FAIM: variants seen among roughly 807,000 people sequenced by gnomAD.
FAIM encodes the protein Fas apoptotic inhibitory molecule.
FAIM carries 14 observed loss-of-function variants against 21.2 expected under a neutral mutation model. That is an observed-to-expected ratio of 0.66 (90% confidence interval 0.44 to 1.03). The LOEUF (loss-of-function observed/expected upper bound fraction) is 1.03, where lower values mean the gene tolerates loss of function less well. Ranked by LOEUF, FAIM falls within the 50% of genes least tolerant of loss-of-function variation. FAIM has a pLI of 0.00. For missense variants in FAIM, 222 were observed against 247.1 expected (o/e 0.90, Z 0.68); for synonymous variants, 86 against 80.4 (o/e 1.07, Z -0.37).
chr3:138,615,882 G>T (rs1267488656), intron 1 of FAIM, among the ~76,000 whole-genome samples: 2 of 152,228 alleles, frequency 1.3e-5, no homozygotes, highest in African/African-American at 4.8e-5. Context: ...TAGTGAAACT[G>T]CTGGGATAGG....
Position 138,617,853 on chromosome 3 carries a change from C to T in FAIM, c.-16-1858C>T, listed in dbSNP as rs140747189. The stretch of plus-strand genomic sequence containing the variant: ...TAGTATATATCTATATATTATCTAT[C>T]TATATTATCTAATTAGATATCTAAT... On this transcript the variant is annotated intron_variant, in intron 1 of 5. Transcript: ENST00000360570. Among the ~76,000 whole-genome samples, 1,113 of 145,050 alleles carry T rather than the reference C, an allele frequency of 7.7e-3. 13 individuals are homozygous for T. The highest frequency in any genetic ancestry group is 9.1e-3 in the Non-Finnish European group (609 of 66,674).
Position 138,625,647 on chromosome 3 carries a change from C to A in FAIM, c.406+3231C>A, listed in dbSNP as rs141598873. ...TTATATTGAGAAATTAGAGCAAGGC[C>A]ACAAAAAAGCTTTGAATAACAAAAC... On this transcript the variant is annotated intron_variant, in intron 4 of 5. Transcript: ENST00000360570. 7.1e-3 allele frequency among the ~76,000 whole-genome samples: 1,077 copies of A among 152,018 alleles called. 8 individuals are homozygous for A. The highest frequency in any genetic ancestry group is 0.024 in the Middle Eastern group (7 of 294).
chr3:138,618,711 G>A lies in FAIM; in HGVS notation c.-16-1000G>A, dbSNP rs190933326. On this transcript the variant is annotated intron_variant, in intron 1 of 5. Transcript: ENST00000360570. ...TTTTAATAATTTGTGACTTCTGGCT[G>A]TTTCCAGACAGAAAGGGTTAGCAGT... Among the ~76,000 whole-genome samples the A allele has an allele frequency of 1.1e-4, 16 of 152,262 alleles. No homozygotes were observed. In the East Asian group the frequency reaches 1.5e-3, roughly 15 times the overall value.
intron 4 of FAIM, among the ~76,000 whole-genome samples, chr3:138,624,033 A>AT (rs1385504230): frequency 6.6e-6 from 1 of 151,900 alleles, no homozygotes; most frequent in Non-Finnish European, 1.5e-5. Flanking sequence ...TCTGAATCTC[A>AT]TTTTTTTCTT....
At chr3:138,619,817 T>G (rs1160923351) in intron 2 of FAIM, 47 bp downstream of exon 2, 1 of 1,514,252 alleles carries the variant, frequency 6.6e-7, no homozygotes, top group Non-Finnish European at 9.1e-7. Flanking sequence ...ATTTTCAAGA[T>G]TGTTATCATT....
At chr3:138,615,158 C>A (rs889573387) in intron 1 of FAIM, among the ~76,000 whole-genome samples, 4 of 152,214 alleles carry the variant, frequency 2.6e-5, no homozygotes, top group African/African-American at 9.6e-5. Context: ...GCCTATGTTA[C>A]AATGAAGTCT....
rs1286208731 is a variant in FAIM at position 138,619,704 on chromosome 3, A to G, written c.-16-7A>G. 1.2e-6 allele frequency: 2 copies of G among 1,612,392 alleles called. No individual in the cohort carries two copies. Among genetic ancestry groups the G allele is most frequent in the Admixed American group, 1.7e-5 (1 of 59,572 alleles). ...TTTTTCTTTCCTGGCTGCTAATTGG[A>G]TTAAAGACTGTTTTTGCCAACCATG... is the stretch of plus-strand genomic sequence containing the variant. On this transcript the variant is annotated splice_polypyrimidine_tract_variant and splice_region_variant and intron_variant, in intron 1 of 5. Coordinates refer to ENST00000360570, the MANE Select transcript of FAIM (RefSeq NM_001033031.2).
intron 4 of FAIM, among the ~76,000 whole-genome samples, chr3:138,623,987 A>G (rs372544560): frequency 2.0e-5 from 3 of 152,146 alleles, no homozygotes; most frequent in East Asian, 1.9e-4. Flanking sequence ...AGTAGCTTCT[A>G]TTCTCCATTG....
At chr3:138,610,816 C>T (rs1229640633) in intron 1 of FAIM, 10 of 683,564 alleles carry the variant, frequency 1.5e-5, no homozygotes, top group Non-Finnish European at 2.6e-5. Context: ...CTATTGACCT[C>T]AAGTGATCCG....
chr3:138,617,844 A>G (rs2042844035), intron 1 of FAIM, among the ~76,000 whole-genome samples: 1 of 146,512 alleles, frequency 6.8e-6, no homozygotes, highest in Non-Finnish European at 1.5e-5. Context: ...ATATCTATAT[A>G]TTATCTATCT....
chr3:138,632,062 A>G (rs1191254017), intron 5 of FAIM, among the ~76,000 whole-genome samples: 1 of 151,654 alleles, frequency 6.6e-6, no homozygotes, highest in Non-Finnish European at 1.5e-5. Flanking sequence ...TTATCCTCTA[A>G]GCCTCTTCTT....
intron 5 of FAIM, 49 bp from the exon 6 acceptor site, chr3:138,632,879 CAG>C (rs2043020450): frequency 6.3e-7 from 1 of 1,581,266 alleles, no homozygotes; most frequent in Non-Finnish European, 8.6e-7. Context: ...ATGCTCTAGA[CAG>C]AGATAAAAGT....
At chr3:138,631,208 G>A (rs999764091) in intron 5 of FAIM, 2 of 151,540 alleles carry the variant, frequency 1.3e-5, no homozygotes, top group Non-Finnish European at 2.9e-5. Context: ...GAGGCCAGGA[G>A]CTCATGACCA....
At chr3:138,628,324 C>T (rs2042962291) in intron 4 of FAIM, among the ~76,000 whole-genome samples, 1 of 151,986 alleles carries the variant, frequency 6.6e-6, no homozygotes, top group Admixed American at 6.6e-5. Flanking sequence ...TATATAAATC[C>T]CGTGGCAGCT....
intron 1 of FAIM, among the ~76,000 whole-genome samples, chr3:138,618,016 C>A (rs1014404871): frequency 7.3e-5 from 11 of 149,728 alleles, no homozygotes; most frequent in Admixed American, 2.7e-4. Context: ...ACTCTGTCAT[C>A]CAGGCTGGAG....
In FAIM at chr3:138,622,383, C is replaced by A; in HGVS notation, c.373C>A (p.His125Asn). The stretch of plus-strand genomic sequence containing the variant: ...AAAAACCACCAATACTTGGGTATTA[C>A]ACATGGATGGTGAGAACTTTAGAAT... ...RSKTTNTWVLHMDGENFRIVL... is the reference protein window; with the variant it reads ...RSKTTNTWVLNMDGENFRIVL... Residue 125 changes from histidine to asparagine, a missense_variant, in exon 4 of 6, where the codon CAC becomes AAC. His to Asn is a moderately conservative substitution (Grantham distance 68). Coordinates refer to ENST00000360570, the MANE Select transcript of FAIM (RefSeq NM_001033031.2). The A allele has an allele frequency of 2.5e-6, 4 of 1,608,602 alleles. No homozygotes were observed. Among genetic ancestry groups the A allele is most frequent in the Non-Finnish European group, 3.4e-6 (4 of 1,178,482 alleles).
intron 1 of FAIM, among the ~76,000 whole-genome samples, chr3:138,614,661 C>T (rs2042807573): frequency 6.6e-6 from 1 of 152,180 alleles, no homozygotes; most frequent in Non-Finnish European, 1.5e-5. Context: ...ACATGTACGA[C>T]CAGGTGCGGT....
intron 1 of FAIM, among the ~76,000 whole-genome samples, chr3:138,610,249 C>A (rs1329241157): frequency 6.6e-6 from 1 of 152,134 alleles, no homozygotes. Context: ...ATTAGATGAA[C>A]AGTGGCAACG....
rs2042892833 is a variant in FAIM at position 138,622,038 on chromosome 3, C to G, written c.178-150C>G. 11 of 646,466 alleles carry G rather than the reference C, an allele frequency of 1.7e-5. No individual in the cohort carries two copies. In the South Asian group the frequency reaches 2.3e-4, roughly 14 times the overall value. 40.0% of individuals were successfully genotyped at this position (646,466 alleles called of 1,614,324 possible). A position where few individuals can be genotyped will look rare whatever the true frequency, so the allele number is the denominator to read the frequency against. On this transcript the variant is annotated intron_variant, in intron 3 of 5. Transcript: ENST00000360570. The stretch of plus-strand genomic sequence containing the variant: ...CTCATGATCCGCCCGCCTCAGCCTC[C>G]CAAAGCGCTGGGATTACAGGCATGA...
Sources: gnomAD v4.1 joint callset for allele counts (sites outside exome capture counted in the v4.1 genomes callset) on GRCh38, gnomAD v4.1.1 for gene constraint, MANE v1.5 for transcripts, NCBI Gene and HGNC (gene_info 2026-07-23, HGNC 2026-07-21) for gene names.